Variants in MTARC1 observed in about 807,000 individuals in gnomAD.
MTARC1 encodes mitochondrial amidoxime reducing component 1, also known as mitochondrial amidoxime-reducing component 1.
A neutral mutation model predicts 33.6 loss-of-function variants in MTARC1; 24 were observed. The ratio of observed to expected loss-of-function variants is 0.72; its 90% confidence interval spans 0.52 to 1.01. MTARC1 has a LOEUF of 1.01. MTARC1 is among the 50% of genes least tolerant of loss of function. MTARC1 has a pLI of 0.00. For synonymous variants in MTARC1, 187 were observed against 189.5 expected, an observed-to-expected ratio of 0.99 and a Z score of 0.11; for missense variants, 417 against 445.7, an observed-to-expected ratio of 0.94 and a Z score of 0.58.
intron 6 of MTARC1, chr1:220,808,868 C>T (rs143868052): frequency 6.2e-5 from 29 of 471,114 alleles, no homozygotes; most frequent in African/African-American, 1.6e-4. Context: ...GGGAAAGTGA[C>T]GTACACACTG....
At position 220,819,248 on chromosome 1, in the gene MTARC1, C is replaced by G. The variant is rs2102617829; in HGVS notation, c.*5830C>G. On this transcript the variant is annotated 3_prime_UTR_variant, in exon 7 of 7. Transcript: ENST00000366910. ...TTTATATTATAAAATGTATTAATGACAGAAGAGTGTTTTCATGTCCCAAGG... is the reference window on the plus strand; with the variant it reads ...TTTATATTATAAAATGTATTAATGAGAGAAGAGTGTTTTCATGTCCCAAGG... The G allele has an allele frequency of 6.6e-6, 1 of 152,272 alleles. No individual in the cohort carries two copies. The highest frequency in any genetic ancestry group is 2.1e-4 in the South Asian group (1 of 4,816). 9.4% of individuals were successfully genotyped at this position (152,272 alleles called of 1,614,324 possible).
intron 1 of MTARC1, chr1:220,790,960 A>G (rs1009589480): frequency 3.3e-5 from 5 of 152,474 alleles, no homozygotes; most frequent in African/African-American, 4.8e-5. Flanking sequence ...GGAACATAAA[A>G]TTTTTAAAAG....
Position 220,786,952 on chromosome 1 carries a change from C to T in MTARC1, c.8C>T (p.Ala3Val). ...CTCGCGGAGAAGCCAGCCATGGGCG[C>T]CGCCGGCTCCTCCGCGCTGGCGCGC... The part of the protein sequence containing the change: MG[A>V]AGSSALARFV... Residue 3 changes from alanine to valine, a missense_variant, in exon 1 of 7, where the codon GCC (alanine) becomes GTC (valine). Ala to Val is a moderately conservative substitution (Grantham distance 64). Coordinates refer to ENST00000366910, the MANE Select transcript of MTARC1 (RefSeq NM_022746.4). The T allele has an allele frequency of 8.1e-7, 1 of 1,241,576 alleles. No individual in the cohort carries two copies. The highest frequency in any genetic ancestry group is 1.6e-5 in the African/African-American group (1 of 64,124). The allele number at this position is 1,241,576 out of a possible 1,614,324, so 76.9% of individuals were successfully genotyped here. A position where few individuals can be genotyped will look rare whatever the true frequency, so the allele number is the denominator to read the frequency against.
At chr1:220,804,152 C>G (rs72472333) in intron 4 of MTARC1, among the ~76,000 whole-genome samples, 22 of 152,216 alleles carry the variant, frequency 1.4e-4, no homozygotes, top group African/African-American at 4.6e-4. Context: ...TATTGCTGTC[C>G]CCTCTGCCTG....
At chr1:220,787,775 AG>A (rs1442145434) in intron 1 of MTARC1, among the ~76,000 whole-genome samples, 2 of 152,052 alleles carry the variant, frequency 1.3e-5, no homozygotes, top group Non-Finnish European at 2.9e-5. Flanking sequence ...GCATTACCTG[AG>A]GTCAGGAGTT....
intron 3 of MTARC1, among the ~76,000 whole-genome samples, chr1:220,797,150 G>T (rs1236885639): frequency 6.6e-6 from 1 of 152,168 alleles, no homozygotes; most frequent in African/African-American, 2.4e-5. Context: ...TTGTATGTCA[G>T]ATTCCAATTG....
rs949005614 is a variant in MTARC1, at chr1:220,794,508, T to G, written c.450-2135T>G. Among the ~76,000 whole-genome samples the G allele has an allele frequency of 4.0e-5, 6 of 151,048 alleles. No homozygotes were observed. In the Admixed American group the frequency reaches 4.0e-4, roughly 10 times the overall value. On this transcript the variant is annotated intron_variant, in intron 2 of 6. Coordinates refer to ENST00000366910, the MANE Select transcript of MTARC1 (RefSeq NM_022746.4). The stretch of plus-strand genomic sequence containing the variant: ...GGAAAAGTAAAAAATTATTTGGAGC[T>G]AAAGCCTGTGAATAAGAAAACGATA...
intron 2 of MTARC1, among the ~76,000 whole-genome samples, chr1:220,792,771 T>G (rs1672468905): frequency 6.6e-6 from 1 of 152,174 alleles, no homozygotes; most frequent in Non-Finnish European, 1.5e-5. Context: ...AAAAAATCCT[T>G]TAATATTGTT....
intron 2 of MTARC1, 123 bp from the exon 3 acceptor site, chr1:220,796,520 C>A: frequency 8.3e-7 from 1 of 1,200,298 alleles, no homozygotes. Flanking sequence ...ATTACATCTT[C>A]TGATAATTAA....
chr1:220,799,489 A>C (rs1404057142), intron 4 of MTARC1, among the ~76,000 whole-genome samples: 1 of 152,190 alleles, frequency 6.6e-6, no homozygotes, highest in Non-Finnish European at 1.5e-5. Context: ...ATTTCTCCTG[A>C]GAACGTTCCT....
In MTARC1 at chr1:220,805,117, A is replaced by G. The variant is rs1252657841; in HGVS notation, c.815+4A>G. On this transcript the variant is annotated splice_donor_region_variant and intron_variant, in intron 5 of 6. Transcript: ENST00000366910. ...AAAGGGTGATGGCTTGTTCCAGGTA[A>G]GGTGCTTTCCTGTCCCTGTGGGGTG... The G allele has an allele frequency of 1.2e-6, 2 of 1,613,996 alleles. No homozygotes were observed. The highest frequency in any genetic ancestry group is 2.7e-5 in the African/African-American group (2 of 74,908).
At chr1:220,802,603 A>G (rs1341219087) in intron 4 of MTARC1, among the ~76,000 whole-genome samples, 1 of 152,232 alleles carries the variant, frequency 6.6e-6, no homozygotes. Context: ...AAGTGCTGGG[A>G]TAACAGGCAT....
At chr1:220,787,321 C>G in intron 1 of MTARC1, 102 bp downstream of exon 1, 2 of 1,360,846 alleles carry the variant, frequency 1.5e-6, no homozygotes, top group Non-Finnish European at 1.9e-6. Context: ...CTAACAGGTC[C>G]TTCCTCCTAT....
intron 6 of MTARC1, among the ~76,000 whole-genome samples, chr1:220,810,055 C>T (rs1673080305): frequency 6.6e-6 from 1 of 152,126 alleles, no homozygotes; most frequent in African/African-American, 2.4e-5. Flanking sequence ...TAATAGAGAC[C>T]TCGGTTTTAA....
intron 4 of MTARC1, among the ~76,000 whole-genome samples, chr1:220,801,160 G>A (rs72472316): frequency 3.4e-4 from 52 of 152,038 alleles, no homozygotes; most frequent in Non-Finnish European, 7.2e-4. Flanking sequence ...CCTGCACCCC[G>A]CCAGCTCCCA....
Position 220,819,012 on chromosome 1 carries a change from T to G in MTARC1, c.*5594T>G, listed in dbSNP as rs1571688819. 3 of 152,306 alleles carry G rather than the reference T, an allele frequency of 2.0e-5. No individual in the cohort carries two copies. Among genetic ancestry groups the G allele is most frequent in the Admixed American group, 2.0e-4 (3 of 15,296 alleles). The allele number at this position is 152,306 out of a possible 1,614,324, so 9.4% of individuals were successfully genotyped here. A position where few individuals can be genotyped will look rare whatever the true frequency, so the allele number is the denominator to read the frequency against. Reference sequence around the variant, plus strand: ...GCGGATCTGAGCCCGTATGACTCATTTGCGAGCCATTCCTGTCGTCTGGAT... The same window carrying G: ...GCGGATCTGAGCCCGTATGACTCATGTGCGAGCCATTCCTGTCGTCTGGAT... On this transcript the variant is annotated 3_prime_UTR_variant, in exon 7 of 7. Transcript: ENST00000366910.
rs763762831 is a variant in MTARC1 at position 220,797,978 on chromosome 1, C to T, written c.717C>T (p.Pro239=). Residue 239 remains proline (P), a synonymous_variant, in exon 4 of 7, where the codon CCC becomes CCT. Coordinates refer to ENST00000366910, the MANE Select transcript of MTARC1 (RefSeq NM_022746.4). The part of the protein sequence containing the change: ...EKKVKATNFR[P]NIVISGCDVY... ...AAGTTAAAGCAACCAACTTCAGGCC[C>T]AATATTGTAATTTCAGGATGCGATG... is the stretch of plus-strand genomic sequence containing the variant. The T allele has an allele frequency of 6.2e-7, 1 of 1,614,216 alleles. No individual in the cohort carries two copies.
At chr1:220,802,075 C>T (rs1221904321) in intron 4 of MTARC1, among the ~76,000 whole-genome samples, 2 of 152,176 alleles carry the variant, frequency 1.3e-5, no homozygotes, top group African/African-American at 4.8e-5. Flanking sequence ...CTGTACTGCC[C>T]TTGCTTCTCT....
chr1:220,798,718 G>C, intron 4 of MTARC1: 3 of 755,510 alleles, frequency 4.0e-6, no homozygotes, highest in Non-Finnish European at 4.8e-6. Flanking sequence ...CAGAAACCCT[G>C]ACCCACAGCT....
Sources: allele counts gnomAD v4.1 joint callset (sites outside exome capture counted in the v4.1 genomes callset), GRCh38; gene constraint gnomAD v4.1.1; transcripts MANE v1.5; gene names NCBI Gene and HGNC (gene_info 2026-07-23, HGNC 2026-07-21).